FOLH1: variants seen among roughly 807,000 people sequenced by gnomAD.
FOLH1 encodes the protein folate hydrolase 1.
In FOLH1, 54 loss-of-function variants were observed where a neutral mutation model predicts 93.9. The ratio of observed to expected loss-of-function variants is 0.57; its 90% CI spans 0.46 to 0.72. FOLH1 has a LOEUF of 0.72. Among genes scored for constraint, FOLH1 ranks in the 30% least tolerant of loss-of-function variants. The pLI is 0.00. For synonymous variants in FOLH1, 249 were observed against 303.6 expected, an observed-to-expected ratio of 0.82 and a Z score of 1.87; for missense variants, 571 against 892.5, an observed-to-expected ratio of 0.64 and a Z score of 4.59.
rs775151051 is a variant in FOLH1 at position 49,208,310 on chromosome 11, G to C, written c.100C>G (p.Leu34Val). The part of the protein sequence containing the change: ...GALVLAGGFF[L>V]LGFLFGWFIK... ...CCCCTACCGAAGAGGAAGCCGAGGAGAAAGAAGCCACCCGCCAGCACCAGC... is the reference window on the plus strand; with the variant it reads ...CCCCTACCGAAGAGGAAGCCGAGGACAAAGAAGCCACCCGCCAGCACCAGC... Residue 34 changes from leucine (L) to valine (V), a missense_variant, in exon 1 of 19, where the codon CTC (leucine) becomes GTC (valine). Leu to Val is a conservative substitution (Grantham distance 32). Coordinates refer to ENST00000256999, the MANE Select transcript of FOLH1 (RefSeq NM_004476.3). 9.5e-6 allele frequency: 15 copies of C among 1,573,754 alleles called. No homozygotes were observed. Among genetic ancestry groups the C allele is most frequent in the Non-Finnish European group, 1.2e-5 (14 of 1,157,902 alleles).
chr11:49,191,059 TGAGGTCAGGAGGCGC>T, intron 4 of FOLH1, among the ~76,000 whole-genome samples: 2 of 152,330 alleles, frequency 1.3e-5, no homozygotes, highest in Admixed American at 1.3e-4. Context: ...GCAGATCACC[TGAGGTCAGGAGGCGC>T]GATCTCGGCT....
chr11:49,169,790 A>G (rs1448455670), intron 11 of FOLH1, among the ~76,000 whole-genome samples: 1 of 152,232 alleles, frequency 6.6e-6, no homozygotes, highest in Admixed American at 6.5e-5. Context: ...GTCAATATTG[A>G]TAATTGCACA....
rs375313419 is a variant in FOLH1, at chr11:49,174,902, T to C, written c.1095A>G (p.Ala365=). 1.0e-4 allele frequency: 167 copies of C among 1,608,840 alleles called. No homozygotes were observed. The highest frequency in any genetic ancestry group is 1.4e-4 in the Non-Finnish European group (162 of 1,176,372). ...IYNVIGTLRG[A]VEPDRYVILG... ...AAACGATTCCTTTACCTGGTTCCAC[T>C]GCTCCTCTGAGAGTACCTATCACAT... Residue 365 remains alanine (A), a synonymous_variant, in exon 9 of 19, where the codon GCA becomes GCG. Coordinates refer to ENST00000256999, the MANE Select transcript of FOLH1 (RefSeq NM_004476.3).
chr11:49,188,072 C>T (rs1485008902), intron 4 of FOLH1, among the ~76,000 whole-genome samples: 1 of 152,216 alleles, frequency 6.6e-6, no homozygotes, highest in Non-Finnish European at 1.5e-5. Context: ...AATTTCAATT[C>T]AGAATCTATT....
intron 18 of FOLH1, among the ~76,000 whole-genome samples, chr11:49,147,441 T>C (rs574234818): frequency 2.2e-4 from 7 of 31,144 alleles, no homozygotes; most frequent in African/African-American, 8.6e-4. Context: ...CAACCCTCTA[T>C]TGTGGTTTTT....
intron 13 of FOLH1, among the ~76,000 whole-genome samples, chr11:49,161,598 T>G (rs1857708331): frequency 6.6e-6 from 1 of 152,234 alleles, no homozygotes; most frequent in Non-Finnish European, 1.5e-5. Flanking sequence ...ACTCTATGTA[T>G]TTTAATTGGT....
At chr11:49,196,533 G>A (rs1345438132) in intron 3 of FOLH1, among the ~76,000 whole-genome samples, 1 of 152,064 alleles carries the variant, frequency 6.6e-6, no homozygotes, top group African/African-American at 2.4e-5. Context: ...CATGCTATGA[G>A]TATAAACATA....
chr11:49,148,216 A>G (rs1856002525), intron 18 of FOLH1, among the ~76,000 whole-genome samples: 1 of 150,872 alleles, frequency 6.6e-6, no homozygotes, highest in African/African-American at 2.4e-5. Flanking sequence ...AAATAAATAT[A>G]TATTTATTAT....
At chr11:49,178,015 C>G (rs532073386) in intron 7 of FOLH1, among the ~76,000 whole-genome samples, 9 of 151,306 alleles carry the variant, frequency 5.9e-5, no homozygotes, top group Non-Finnish European at 1.0e-4. Context: ...CAGGCATGTA[C>G]ACATAGAGGG....
Position 49,145,162 on chromosome 11 carries a change from C to T in FOLH1, c.*1594G>A, listed in dbSNP as rs2134798326. Reference sequence around the variant, plus strand: ...AATTTGGGTTATCCACTCCAAACTCCCACTTGATTGTCTTCATAAATAGAT... The same window carrying T: ...AATTTGGGTTATCCACTCCAAACTCTCACTTGATTGTCTTCATAAATAGAT... On this transcript the variant is annotated 3_prime_UTR_variant, in exon 19 of 19. Coordinates refer to ENST00000256999, the MANE Select transcript of FOLH1 (RefSeq NM_004476.3). Among the ~76,000 whole-genome samples the T allele has an allele frequency of 6.6e-6, 1 of 152,222 alleles. No individual in the cohort carries two copies. The highest frequency in any genetic ancestry group is 1.5e-5 in the Non-Finnish European group (1 of 68,000).
intron 2 of FOLH1, among the ~76,000 whole-genome samples, chr11:49,203,513 C>G (rs1394230597): frequency 2.6e-5 from 4 of 152,174 alleles, no homozygotes; most frequent in Admixed American, 6.5e-5. Context: ...TAATTGAAAG[C>G]TCTCTGATGG....
At position 49,145,523 on chromosome 11, in the gene FOLH1, A is replaced by G. The variant is rs1174876884; in HGVS notation, c.*1233T>C. On this transcript the variant is annotated 3_prime_UTR_variant, in exon 19 of 19. Coordinates refer to ENST00000256999, the MANE Select transcript of FOLH1 (RefSeq NM_004476.3). ...CCCCTCTGGCTTGACATTTCTTCAT[A>G]AACAGCTTTACACATTGGCCCAGAA... Among the ~76,000 whole-genome samples the G allele has an allele frequency of 6.6e-6, 1 of 152,138 alleles. No homozygotes were observed. Among genetic ancestry groups the G allele is most frequent in the Non-Finnish European group, 1.5e-5 (1 of 68,010 alleles).
intron 7 of FOLH1, among the ~76,000 whole-genome samples, chr11:49,176,913 T>C (rs1217324211): frequency 1.3e-5 from 2 of 152,126 alleles, no homozygotes; most frequent in Non-Finnish European, 2.9e-5. Context: ...AGATGTTTAG[T>C]TATGAAATCA....
intron 5 of FOLH1, 118 bp from the exon 6 acceptor site, chr11:49,185,973 A>G: frequency 3.1e-6 from 4 of 1,273,598 alleles, no homozygotes; most frequent in Non-Finnish European, 4.1e-6. Flanking sequence ...ACCTTTTCTC[A>G]TTAGGCCTAC....
Position 49,173,493 on chromosome 11 carries a change from CA to C in FOLH1, c.1106-18del. 7.1e-7 allele frequency: 1 copy of C among 1,402,624 alleles called. No individual in the cohort carries two copies. Among genetic ancestry groups the C allele is most frequent in the Non-Finnish European group, 9.5e-7 (1 of 1,050,140 alleles). 86.9% of individuals were successfully genotyped at this position (1,402,624 alleles called of 1,614,324 possible). Reference sequence around the variant, plus strand: ...CATATCTGTCTAGAAAGCATAGATACAAGATTATTTGTCATTTCAGGTCAAT... The same window carrying C: ...CATATCTGTCTAGAAAGCATAGATACAGATTATTTGTCATTTCAGGTCAAT... On this transcript the variant is annotated intron_variant, in intron 9 of 18. Transcript: ENST00000256999.
intron 17 of FOLH1, among the ~76,000 whole-genome samples, chr11:49,149,564 A>T (rs908723888): frequency 2.6e-5 from 4 of 151,766 alleles, no homozygotes; most frequent in South Asian, 4.1e-4. Flanking sequence ...GGAATGTAAC[A>T]GTTTTTTTTT....
At chr11:49,157,420 C>G (rs1440869778) in intron 14 of FOLH1, among the ~76,000 whole-genome samples, 2 of 152,086 alleles carry the variant, frequency 1.3e-5, no homozygotes, top group African/African-American at 4.8e-5. Flanking sequence ...AATCCAAAAT[C>G]TGTATCAAAA....
Position 49,206,191 on chromosome 11 carries a change from A to T in FOLH1, c.119-19T>A. ...AACCACCCTGAAAAATACATCCAAA[A>T]ATAGGCATGAGATACGAGCCTATAG... On this transcript the variant is annotated intron_variant, in intron 1 of 18. Transcript: ENST00000256999. The T allele has an allele frequency of 6.2e-7, 1 of 1,610,712 alleles. No individual in the cohort carries two copies.
chr11:49,160,696 C>A (rs1857599734), intron 13 of FOLH1, among the ~76,000 whole-genome samples: 1 of 152,148 alleles, frequency 6.6e-6, no homozygotes, highest in South Asian at 2.1e-4. Flanking sequence ...CCCTCCTCGG[C>A]CTCCCAAAGT....
Sources: gnomAD v4.1 joint callset for allele counts (sites outside exome capture counted in the v4.1 genomes callset) on GRCh38, gnomAD v4.1.1 for gene constraint, MANE v1.5 for transcripts, NCBI Gene and HGNC (gene_info 2026-07-23, HGNC 2026-07-21) for gene names.